The following ZNF385D variants were observed in gnomAD, a reference collection of about 807,000 sequenced individuals.
The protein encoded by ZNF385D is zinc finger protein 385D.
A neutral mutation model predicts 35.8 loss-of-function variants in ZNF385D; 15 were observed. The observed-to-expected ratio is 0.42, with a 90% CI of 0.28 to 0.64. The LOEUF is 0.64. Among genes scored for constraint, ZNF385D ranks in the 30% least tolerant of loss-of-function variants. The pLI is 0.23. For synonymous variants in ZNF385D, 212 were observed against 186.8 expected, an observed-to-expected ratio of 1.13 and a Z score of -1.10; for missense variants, 474 against 494.6, an observed-to-expected ratio of 0.96 and a Z score of 0.39.
At chr3:21,942,932 T>C (rs1382862390) in intron 3 of ZNF385D, among the ~76,000 whole-genome samples, 1 of 152,220 alleles carries the variant, frequency 6.6e-6, no homozygotes, top group African/African-American at 2.4e-5. Context: ...TTATCACTTA[T>C]TTTGCCTTGT....
chr3:22,009,805 C>A (rs1481444656), intron 3 of ZNF385D, among the ~76,000 whole-genome samples: 4 of 151,688 alleles, frequency 2.6e-5, no homozygotes, highest in Non-Finnish European at 5.9e-5. Context: ...AATTGATAGT[C>A]AAGGGTCATC....
intron 5 of ZNF385D, among the ~76,000 whole-genome samples, chr3:21,429,035 A>G (rs1164540583): frequency 1.3e-5 from 2 of 148,608 alleles, no homozygotes; most frequent in Non-Finnish European, 3.0e-5. Flanking sequence ...AAGGGGCTAG[A>G]CTTCCCTTTC....
rs61528907 is a variant in ZNF385D, at chr3:21,960,203, T to TACACACACACACACACACACACACACAC, written c.325+208613_325+208614insGTGTGTGTGTGTGTGTGTGTGTGTGTGT. On this transcript the variant is annotated intron_variant, in intron 3 of 5. Coordinates refer to the ZNF385D transcript ENST00000494108. ...AAGAAACTCAACAACTAAACAGCAATACACACACACACCCTCCCCAACACA... is the reference window on the plus strand; with the variant it reads ...AAGAAACTCAACAACTAAACAGCAATACACACACACACACACACACACACACACACACACACACACCCTCCCCAACACA... Among the ~76,000 whole-genome samples, 15 of 149,470 alleles carry TACACACACACACACACACACACACACAC rather than the reference T, an allele frequency of 1.0e-4. No homozygotes were observed. The East Asian group carries it at 2.0e-3, about 20-fold the overall frequency.
At chr3:22,058,801 C>T (rs1236668765) in intron 3 of ZNF385D, among the ~76,000 whole-genome samples, 1 of 152,070 alleles carries the variant, frequency 6.6e-6, no homozygotes, top group Non-Finnish European at 1.5e-5. Context: ...TTGTAATTTG[C>T]TTTGTATATT....
chr3:21,936,244 G>C (rs1701252243), intron 3 of ZNF385D, among the ~76,000 whole-genome samples: 1 of 152,112 alleles, frequency 6.6e-6, no homozygotes, highest in African/African-American at 2.4e-5. Flanking sequence ...AGGAGACACA[G>C]GGAGATGACA....
chr3:21,808,092 G>A lies in ZNF385D; in HGVS notation c.326-143064C>T, dbSNP rs528862064. Among the ~76,000 whole-genome samples, 30 of 152,172 alleles carry A rather than the reference G, an allele frequency of 2.0e-4. 1 individual carries two copies. The South Asian group carries it at 5.8e-3, about 30-fold the overall frequency. On this transcript the variant is annotated intron_variant, in intron 3 of 5. Coordinates refer to the ZNF385D transcript ENST00000494108. ...TATAATGAAAAGTGATCAAGAGACC[G>A]GAAGCCAAAGCATGGTTGGAGGAAA...
Position 21,987,940 on chromosome 3 carries a change from C to T in ZNF385D, c.325+180877G>A, listed in dbSNP as rs1027415913. Among the ~76,000 whole-genome samples the T allele has an allele frequency of 1.4e-4, 21 of 146,968 alleles. 2 individuals carry two copies. Among genetic ancestry groups the T allele is most frequent in the Non-Finnish European group, 4.5e-5 (3 of 66,066 alleles). On this transcript the variant is annotated intron_variant, in intron 3 of 5. Transcript: ENST00000494108. ...CATTTCATCTTCCATTGCTGATACC[C>T]TTTCTTCCAGTTGATTGCATTGGCT...
intron 3 of ZNF385D, among the ~76,000 whole-genome samples, chr3:21,880,405 G>A (rs779032): frequency 0.87 from 131,434 of 151,912 alleles, 57,097 homozygotes; most frequent in African/African-American, 0.92. Flanking sequence ...TTCTTTCACT[G>A]TATCTGTCAT....
intron 1 of ZNF385D, among the ~76,000 whole-genome samples, chr3:21,692,936 C>G (rs1423107208): frequency 6.6e-6 from 1 of 152,188 alleles, no homozygotes; most frequent in African/African-American, 2.4e-5. Flanking sequence ...ATACTGCTCA[C>G]TCCTTGAAGG....
intron 2 of ZNF385D, among the ~76,000 whole-genome samples, chr3:21,653,076 T>G (rs2125224537): frequency 6.6e-6 from 1 of 152,174 alleles, no homozygotes; most frequent in Non-Finnish European, 1.5e-5. Flanking sequence ...TCAATCTCCC[T>G]CTCTCTCTCC....
At chr3:21,994,087 C>T (rs1219995784) in intron 3 of ZNF385D, among the ~76,000 whole-genome samples, 2 of 152,194 alleles carry the variant, frequency 1.3e-5, no homozygotes, top group African/African-American at 4.8e-5. Context: ...AACTTTCTTA[C>T]TGAGATCCTT....
chr3:22,346,525 C>A (rs1695666791), intron 2 of ZNF385D, among the ~76,000 whole-genome samples: 1 of 152,102 alleles, frequency 6.6e-6, no homozygotes, highest in Admixed American at 6.5e-5. Flanking sequence ...AAATTATTAT[C>A]CCATTATACC....
At chr3:21,532,030 T>C (rs1023985050) in intron 3 of ZNF385D, among the ~76,000 whole-genome samples, 3 of 152,082 alleles carry the variant, frequency 2.0e-5, no homozygotes, top group African/African-American at 7.2e-5. Context: ...TGCTTAATAC[T>C]ACTGTGAGCT....
intron 2 of ZNF385D, among the ~76,000 whole-genome samples, chr3:21,631,391 C>T (rs59650517): frequency 0.59 from 89,089 of 151,842 alleles, 26,506 homozygotes; most frequent in Middle Eastern, 0.63. Flanking sequence ...GGCCCACCTC[C>T]TCTTATCAGC....
chr3:22,321,164 G>GTTTTTT, intron 2 of ZNF385D, among the ~76,000 whole-genome samples: 309 of 75,658 alleles, frequency 4.1e-3, no homozygotes, highest in East Asian at 9.1e-3. Context: ...TTATGACCTT[G>GTTTTTT]TTTTTTTTTT....
At chr3:22,215,537 A>C (rs1292898028) in intron 2 of ZNF385D, among the ~76,000 whole-genome samples, 1 of 151,952 alleles carries the variant, frequency 6.6e-6, no homozygotes, top group Admixed American at 6.6e-5. Context: ...AGGACAAGGA[A>C]ATTCCCGCCT....
chr3:22,128,887 C>G (rs1703606964), intron 3 of ZNF385D, among the ~76,000 whole-genome samples: 1 of 152,146 alleles, frequency 6.6e-6, no homozygotes, highest in Admixed American at 6.5e-5. Context: ...TGAAATTGGT[C>G]ACTGTTGTCT....
chr3:21,511,876 T>G (rs1707240194), intron 3 of ZNF385D: 2 of 439,412 alleles, frequency 4.6e-6, no homozygotes, highest in Non-Finnish European at 9.1e-6. Flanking sequence ...TTACCGGGCG[T>G]GGTGGCTCAT....
intron 2 of ZNF385D, among the ~76,000 whole-genome samples, chr3:21,617,555 A>G (rs900230252): frequency 6.6e-6 from 1 of 152,190 alleles, no homozygotes; most frequent in Non-Finnish European, 1.5e-5. Flanking sequence ...CACGAGAAAG[A>G]TACTTTTATA....
Sources: gnomAD v4.1 joint callset for allele counts (sites outside exome capture counted in the v4.1 genomes callset) on GRCh38, gnomAD v4.1.1 for gene constraint, MANE v1.5 for transcripts, NCBI Gene and HGNC (gene_info 2026-07-23, HGNC 2026-07-21) for gene names.